ZNF264: variants seen among roughly 807,000 people sequenced by gnomAD.
The protein encoded by ZNF264 is zinc finger protein 264.
A neutral mutation model predicts 11.2 loss-of-function variants in ZNF264; 11 were observed. That is an observed-to-expected ratio of 0.98 (90% CI 0.62 to 1.63). The LOEUF (loss-of-function observed/expected upper bound fraction) is 1.63. Among genes scored for constraint, ZNF264 ranks in the 40% most tolerant of loss-of-function variants. The probability of loss-of-function intolerance (pLI) is 0.00; values close to 1 mark genes in which losing one functional copy is unlikely to be tolerated. For missense variants in ZNF264, 752 were observed against 768.1 expected, an observed-to-expected ratio of 0.98 and a Z score of 0.25; for synonymous variants, 309 against 279.8, an observed-to-expected ratio of 1.10 and a Z score of -1.04.
intron 1 of ZNF264, 50 bp downstream of exon 1, chr19:57,191,996 C>T: frequency 6.7e-7 from 1 of 1,482,368 alleles, no homozygotes; most frequent in Non-Finnish European, 9.0e-7. Flanking sequence ...AGCGCTGAGG[C>T]GGTTTCCGAA....
Position 57,222,690 on chromosome 19 carries a change from T to C in ZNF264, c.*9709T>C, listed in dbSNP as rs2087427258. On this transcript the variant is annotated 3_prime_UTR_variant, in exon 4 of 4. Coordinates refer to ENST00000263095, the MANE Select transcript of ZNF264 (RefSeq NM_003417.5). Reference sequence around the variant, plus strand: ...GATGTTATTGCCAGTTCAGTGTGTATTTCTATAGTATATATGTAAACAATT... The same window carrying C: ...GATGTTATTGCCAGTTCAGTGTGTACTTCTATAGTATATATGTAAACAATT... 6.6e-6 allele frequency: 1 copy of C among 152,194 alleles called. No individual in the cohort carries two copies. The highest frequency in any genetic ancestry group is 1.5e-5 in the Non-Finnish European group (1 of 68,036). 9.4% of individuals were successfully genotyped at this position (152,194 alleles called of 1,614,324 possible). A position where few individuals can be genotyped will look rare whatever the true frequency, so the allele number is the denominator to read the frequency against.
intron 3 of ZNF264, among the ~76,000 whole-genome samples, chr19:57,206,007 A>G (rs2087289411): frequency 1.3e-5 from 2 of 152,208 alleles, no homozygotes; most frequent in Non-Finnish European, 1.5e-5. Flanking sequence ...AGCCTGTTGC[A>G]TTAAGATTAT....
Position 57,209,136 on chromosome 19 carries a change from T to A in ZNF264, c.257-2218T>A, listed in dbSNP as rs578067998. On this transcript the variant is annotated intron_variant, in intron 3 of 3. Coordinates refer to ENST00000263095, the MANE Select transcript of ZNF264 (RefSeq NM_003417.5). Reference sequence around the variant, plus strand: ...TTTAATTTTGTTCTCTTACTCTCTTTAAAGTATCTTTCTCCAAAAGGTCTT... The same window carrying A: ...TTTAATTTTGTTCTCTTACTCTCTTAAAAGTATCTTTCTCCAAAAGGTCTT... Among the ~76,000 whole-genome samples the A allele has an allele frequency of 1.9e-4, 29 of 152,298 alleles. No homozygotes were observed. The South Asian group carries it at 5.4e-3, about 28-fold the overall frequency.
chr19:57,213,041 C>T lies in ZNF264; in HGVS notation c.*60C>T. The T allele has an allele frequency of 6.7e-7, 1 of 1,490,562 alleles. No individual in the cohort carries two copies. Among genetic ancestry groups the T allele is most frequent in the Non-Finnish European group, 9.0e-7 (1 of 1,105,582 alleles). 92.3% of individuals were successfully genotyped at this position (1,490,562 alleles called of 1,614,324 possible). A position where few individuals can be genotyped will look rare whatever the true frequency, so the allele number is the denominator to read the frequency against. ...TGAAGAGTCATATTAGAAATTCGTT[C>T]AGTCTAGAGCCTTATTCTCCATCTG... On this transcript the variant is annotated 3_prime_UTR_variant, in exon 4 of 4. Coordinates refer to ENST00000263095, the MANE Select transcript of ZNF264 (RefSeq NM_003417.5).
At chr19:57,195,378 C>A (rs1230535796) in intron 2 of ZNF264, among the ~76,000 whole-genome samples, 2 of 152,198 alleles carry the variant, frequency 1.3e-5, no homozygotes, top group Non-Finnish European at 2.9e-5. Context: ...GGAGGAAATA[C>A]AACAATTACA....
At chr19:57,206,653 C>T (rs1472832526) in intron 3 of ZNF264, among the ~76,000 whole-genome samples, 1 of 152,014 alleles carries the variant, frequency 6.6e-6, no homozygotes, top group Non-Finnish European at 1.5e-5. Flanking sequence ...CATTATTAAC[C>T]TTAAAGAGTG....
In ZNF264 at chr19:57,212,717, A is replaced by G. The variant is rs749540760; in HGVS notation, c.1620A>G (p.Lys540=). ...AIIHTGEKPY[K]CSECGKAFSR... The stretch of plus-strand genomic sequence containing the variant: ...TCCACACTGGAGAGAAGCCCTATAA[A>G]TGTAGTGAATGTGGAAAGGCCTTCA... Residue 540 remains lysine, a synonymous_variant, in exon 4 of 4, where the codon AAA becomes AAG. Coordinates refer to ENST00000263095, the MANE Select transcript of ZNF264 (RefSeq NM_003417.5). 15 of 1,614,018 alleles carry G rather than the reference A, an allele frequency of 9.3e-6. No individual in the cohort carries two copies. Among genetic ancestry groups the G allele is most frequent in the East Asian group, 2.2e-5 (1 of 44,860 alleles).
chr19:57,213,244 A>G lies in ZNF264; in HGVS notation c.*263A>G, dbSNP rs1005307462. ...CTTTTCAGGCTTCTCTGCCAAGCCT[A>G]TGGCGCTTTGTCATGGATTTCTTAG... On this transcript the variant is annotated 3_prime_UTR_variant, in exon 4 of 4. Transcript: ENST00000263095. 13 of 331,322 alleles carry G rather than the reference A, an allele frequency of 3.9e-5. No individual in the cohort carries two copies. The highest frequency in any genetic ancestry group is 5.5e-5 in the Non-Finnish European group (10 of 180,860). 20.5% of individuals were successfully genotyped at this position (331,322 alleles called of 1,614,324 possible).
chr19:57,192,638 G>C, intron 1 of ZNF264: 1 of 923,640 alleles, frequency 1.1e-6, no homozygotes, highest in Non-Finnish European at 1.3e-6. Context: ...TGGGAAGCTG[G>C]TCTGGAGCCT....
intron 2 of ZNF264, among the ~76,000 whole-genome samples, chr19:57,196,563 C>G (rs374079144): frequency 1.3e-5 from 2 of 151,890 alleles, no homozygotes; most frequent in African/African-American, 4.9e-5. Context: ...TTGCTGAGCC[C>G]ATGCGCAACC....
chr19:57,218,777 A>G lies in ZNF264; in HGVS notation c.*5796A>G, dbSNP rs2087397726. On this transcript the variant is annotated 3_prime_UTR_variant, in exon 4 of 4. Coordinates refer to ENST00000263095, the MANE Select transcript of ZNF264 (RefSeq NM_003417.5). Reference sequence around the variant, plus strand: ...TGTTGAGTTTGTGCAGTGAGTTTTCATTTTGGTTTTGTATTTTCCAGTTGT... The same window carrying G: ...TGTTGAGTTTGTGCAGTGAGTTTTCGTTTTGGTTTTGTATTTTCCAGTTGT... 1 of 151,894 alleles carries G rather than the reference A, an allele frequency of 6.6e-6. No homozygotes were observed. Among genetic ancestry groups the G allele is most frequent in the African/African-American group, 2.4e-5 (1 of 41,304 alleles). 9.4% of individuals were successfully genotyped at this position (151,894 alleles called of 1,614,324 possible).
At position 57,212,818 on chromosome 19, in the gene ZNF264, G is replaced by C. The variant is rs1215989484; in HGVS notation, c.1721G>C (p.Arg574Thr). Residue 574 changes from arginine (R) to threonine (T), a missense_variant, in exon 4 of 4, where the codon AGA becomes ACA. Coordinates refer to ENST00000263095, the MANE Select transcript of ZNF264 (RefSeq NM_003417.5). ...CCCATCAGTGTAACAGATGTGGGAA[G>C]ACCTTTTACAAGTGGACAAACCTCA... is the stretch of plus-strand genomic sequence containing the variant. ...KNPISVTDVG[R>T]PFTSGQTSVT... 2 of 1,614,090 alleles carry C rather than the reference G, an allele frequency of 1.2e-6. No homozygotes were observed. The highest frequency in any genetic ancestry group is 1.7e-6 in the Non-Finnish European group (2 of 1,180,044).
intron 1 of ZNF264, 38 bp downstream of exon 1, chr19:57,191,984 C>T: frequency 6.6e-7 from 1 of 1,508,648 alleles, no homozygotes; most frequent in South Asian, 1.3e-5. Flanking sequence ...CGCTTCCTTG[C>T]CAGCGCTGAG....
chr19:57,199,068 C>G (rs2087232646), intron 2 of ZNF264, among the ~76,000 whole-genome samples: 1 of 151,894 alleles, frequency 6.6e-6, no homozygotes, highest in African/African-American at 2.4e-5. Context: ...ATTAATTAGC[C>G]AACGCCAGAG....
intron 3 of ZNF264, among the ~76,000 whole-genome samples, chr19:57,209,849 C>G (rs1158133449): frequency 6.6e-6 from 1 of 152,082 alleles, no homozygotes; most frequent in African/African-American, 2.4e-5. Flanking sequence ...CTGCTCACCT[C>G]GGCCTCCCAA....
Position 57,212,278 on chromosome 19 carries a change from C to G in ZNF264, c.1181C>G (p.Thr394Ser). Residue 394 changes from threonine to serine, a missense_variant, in exon 4 of 4, where the codon ACT becomes AGT. Transcript: ENST00000263095. ...CTGATTCACCACTATGTCATCCACA[C>G]TGGAGAGAAGCCCTTTGAGTGCCTC... Reference protein sequence around the residue: ...AALIHHYVIHTGEKPFECLEC... With the variant: ...AALIHHYVIHSGEKPFECLEC... 1 of 1,614,090 alleles carries G rather than the reference C, an allele frequency of 6.2e-7. No individual in the cohort carries two copies. The highest frequency in any genetic ancestry group is 8.5e-7 in the Non-Finnish European group (1 of 1,180,022).
chr19:57,201,074 T>C (rs2122744800), intron 2 of ZNF264, among the ~76,000 whole-genome samples: 1 of 152,064 alleles, frequency 6.6e-6, no homozygotes, highest in Non-Finnish European at 1.5e-5. Flanking sequence ...TGTATATATA[T>C]ACAACTTATT....
intron 1 of ZNF264, chr19:57,192,326 G>C: frequency 1.0e-6 from 1 of 985,088 alleles, no homozygotes; most frequent in Non-Finnish European, 1.2e-6. Flanking sequence ...GGAGGCTCAG[G>C]AGGGTGTGTA....
rs987599469 is a variant in ZNF264 at position 57,213,291 on chromosome 19, G to A, written c.*310G>A. ...TTAGTGTATTTGGGGGAAGGGAAAT[G>A]TTTCAAGGTAAAGAACCTTGACCCT... is the stretch of plus-strand genomic sequence containing the variant. On this transcript the variant is annotated 3_prime_UTR_variant, in exon 4 of 4. Coordinates refer to ENST00000263095, the MANE Select transcript of ZNF264 (RefSeq NM_003417.5). 15 of 240,742 alleles carry A rather than the reference G, an allele frequency of 6.2e-5. No homozygotes were observed. The highest frequency in any genetic ancestry group is 1.5e-3 in the Middle Eastern group (1 of 670). 14.9% of individuals were successfully genotyped at this position (240,742 alleles called of 1,614,324 possible). A position where few individuals can be genotyped will look rare whatever the true frequency, so the allele number is the denominator to read the frequency against.
Sources: allele counts gnomAD v4.1 joint callset (sites outside exome capture counted in the v4.1 genomes callset), GRCh38; gene constraint gnomAD v4.1.1; transcripts MANE v1.5; gene names NCBI Gene and HGNC (gene_info 2026-07-23, HGNC 2026-07-21).